The following GBF1 variants were observed in gnomAD, a reference collection of about 807,000 sequenced individuals.
The protein encoded by GBF1 is Golgi-specific brefeldin A-resistance guanine nucleotide exchange factor 1.
A neutral mutation model predicts 210.5 loss-of-function variants in GBF1; 114 were observed. That is an observed-to-expected ratio of 0.54 (90% CI 0.47 to 0.63). The LOEUF (loss-of-function observed/expected upper bound fraction) is 0.63. Among genes scored for constraint, GBF1 ranks in the 30% least tolerant of loss-of-function variants. GBF1 has a pLI of 0.00. For missense variants in GBF1, 1,851 were observed against 2,357.7 expected, an observed-to-expected ratio of 0.79 and a Z score of 4.45; for synonymous variants, 850 against 889.2, an observed-to-expected ratio of 0.96 and a Z score of 0.78.
At chr10:102,301,634 G>A (rs1471800223) in intron 3 of GBF1, among the ~76,000 whole-genome samples, 13 of 148,206 alleles carry the variant, frequency 8.8e-5, no homozygotes, top group South Asian at 4.3e-4. Context: ...ACGGGGTCGC[G>A]GCCGGGCAGA....
chr10:102,286,194 G>GTTTTTTTTGTTTTTTTTT (rs1565060425), intron 3 of GBF1, among the ~76,000 whole-genome samples: 4 of 126,368 alleles, frequency 3.2e-5, no homozygotes, highest in African/African-American at 3.3e-5. Context: ...AAGCATAAGG[G>GTTTTTTTTGTTTTTTTTT]TTTTTTTTTT....
At chr10:102,263,497 A>G (rs2073478196) in intron 3 of GBF1, among the ~76,000 whole-genome samples, 1 of 152,162 alleles carries the variant, frequency 6.6e-6, no homozygotes, top group Non-Finnish European at 1.5e-5. Context: ...TGGTAAGACT[A>G]TCACTGTTGG....
In GBF1 at chr10:102,376,770, C is replaced by A; in HGVS notation, c.4258C>A (p.Arg1420=). Reference sequence around the variant, plus strand: ...CTTTGAGCTCTGCGTCAAGACTCTCCGGATCTTTGTGGAGGCCAGTCTGAA... The same window carrying A: ...CTTTGAGCTCTGCGTCAAGACTCTCAGGATCTTTGTGGAGGCCAGTCTGAA... ...DNFELCVKTL[R]IFVEASLNGG... Residue 1420 remains arginine, a synonymous_variant, in exon 32 of 40, where the codon CGG becomes AGG. Transcript: ENST00000369983. 6.2e-7 allele frequency: 1 copy of A among 1,609,218 alleles called. No homozygotes were observed. The highest frequency in any genetic ancestry group is 8.5e-7 in the Non-Finnish European group (1 of 1,179,966).
chr10:102,271,117 A>C (rs1294033616), intron 3 of GBF1, among the ~76,000 whole-genome samples: 1 of 151,992 alleles, frequency 6.6e-6, no homozygotes, highest in Non-Finnish European at 1.5e-5. Flanking sequence ...AGCTCACTGC[A>C]AGCTCCGCCT....
intron 3 of GBF1, 67 bp downstream of exon 3, chr10:102,260,183 A>ATT (rs1167385070): frequency 9.0e-6 from 8 of 890,668 alleles, no homozygotes; most frequent in Non-Finnish European, 1.5e-5. Context: ...TATTGAAAGG[A>ATT]TAGACAAACT....
At chr10:102,351,798 C>A in intron 5 of GBF1, 45 bp from the exon 6 acceptor site, 1 of 1,133,198 alleles carries the variant, frequency 8.8e-7, no homozygotes, top group Non-Finnish European at 1.3e-6. Context: ...TTGAGTACCT[C>A]TCAGTACCTT....
chr10:102,336,195 G>A (rs1018217277), intron 3 of GBF1, among the ~76,000 whole-genome samples: 3 of 151,688 alleles, frequency 2.0e-5, no homozygotes, highest in Admixed American at 6.6e-5. Context: ...CAGCTACTCG[G>A]GAGGCTGAGC....
intron 3 of GBF1, among the ~76,000 whole-genome samples, chr10:102,331,474 T>G (rs1314479111): frequency 6.6e-6 from 1 of 151,182 alleles, no homozygotes; most frequent in Non-Finnish European, 1.5e-5. Context: ...AGGTTTGGGG[T>G]TTTGATTCAT....
At chr10:102,343,934 G>C in intron 3 of GBF1, 117 bp from the exon 4 acceptor site, 1 of 717,370 alleles carries the variant, frequency 1.4e-6, no homozygotes, top group Admixed American at 2.3e-5. Context: ...AATCCAGAGG[G>C]AAGAAGATTG....
At chr10:102,311,699 T>C (rs529151801) in intron 3 of GBF1, among the ~76,000 whole-genome samples, 6 of 152,320 alleles carry the variant, frequency 3.9e-5, no homozygotes, top group African/African-American at 1.4e-4. Context: ...GGGCCTAATT[T>C]CTTCTGTTCC....
the GBF1 span, among the ~76,000 whole-genome samples, chr10:102,236,952 T>C: frequency 6.6e-6 from 1 of 152,226 alleles, no homozygotes; most frequent in Non-Finnish European, 1.5e-5. Flanking sequence ...CCAGACTCTA[T>C]GGTTTGCTGA....
intron 1 of GBF1, among the ~76,000 whole-genome samples, chr10:102,248,338 A>G (rs2071091021): frequency 6.6e-6 from 1 of 152,134 alleles, no homozygotes; most frequent in African/African-American, 2.4e-5. Context: ...ATGAAAATAT[A>G]ATAAAGCAGT....
intron 3 of GBF1, among the ~76,000 whole-genome samples, chr10:102,327,813 G>A (rs1270575965): frequency 6.6e-6 from 1 of 152,220 alleles, no homozygotes; most frequent in Non-Finnish European, 1.5e-5. Flanking sequence ...TAAGTGTGCA[G>A]TTGGGATAAA....
chr10:102,353,705 A>C, intron 8 of GBF1, 51 bp downstream of exon 8: 1 of 1,320,438 alleles, frequency 7.6e-7, no homozygotes, highest in Non-Finnish European at 1.1e-6. Flanking sequence ...TTAATCTCCC[A>C]ACTTCAGTGC....
upstream of GBF1, among the ~76,000 whole-genome samples, chr10:102,242,214 A>C (rs184288392): frequency 9.1e-4 from 139 of 152,318 alleles, no homozygotes; most frequent in Admixed American, 3.4e-3. Context: ...GTTTGGAATG[A>C]TACAAACCAA....
intron 3 of GBF1, among the ~76,000 whole-genome samples, chr10:102,278,222 C>T (rs2075165750): frequency 6.6e-6 from 1 of 151,936 alleles, no homozygotes; most frequent in Admixed American, 6.6e-5. Context: ...CATGCCACTG[C>T]ACTCCAGCCT....
chr10:102,361,769 C>G lies in GBF1; in HGVS notation c.1543C>G (p.Pro515Ala), dbSNP rs1225680608. 9.9e-6 allele frequency: 16 copies of G among 1,613,032 alleles called. No individual in the cohort carries two copies. Among genetic ancestry groups the G allele is most frequent in the Non-Finnish European group, 1.3e-5 (15 of 1,179,402 alleles). The change falls in exon 14 of 40, where the codon CCT (proline) becomes GCT (alanine). Residue 515 changes from proline to alanine, a missense_variant. By Grantham distance (27) the Pro-to-Ala change is conservative. Around this residue, in one of 3 missense-constraint regions of GBF1, gnomAD observed 804 missense variants for 958.6 expected, o/e 0.84. Coordinates refer to ENST00000369983, the MANE Select transcript of GBF1 (RefSeq NM_001377137.1). The stretch of plus-strand genomic sequence containing the variant: ...CATCACTGTGGAGAACCCCAAGATG[C>G]CTTATGAGATGAAGGAGATGGCACT... ...EIITVENPKM[P>A]YEMKEMALEA...
rs186591405 is a variant in GBF1, at chr10:102,344,749, G to A, written c.295+567G>A. 8.5e-5 allele frequency among the ~76,000 whole-genome samples: 13 copies of A among 152,108 alleles called. No homozygotes were observed. The East Asian group carries it at 2.5e-3, about 30-fold the overall frequency. ...CCCGCCTTGGCCTCCCAAAGTGCTG[G>A]GATTACAGGTGTGAGCCACTGTGCC... On this transcript the variant is annotated intron_variant, in intron 4 of 39. Transcript: ENST00000369983.
At chr10:102,240,213 C>T in the GBF1 span, among the ~76,000 whole-genome samples, 1 of 152,332 alleles carries the variant, frequency 6.6e-6, no homozygotes, top group East Asian at 1.9e-4. Flanking sequence ...GGGCTTGTAC[C>T]CAGCTCCTTC....
Sources: gnomAD v4.1 joint callset for allele counts (sites outside exome capture counted in the v4.1 genomes callset) on GRCh38, gnomAD v4.1.1 for gene constraint, gnomAD v4.1.1 regional missense constraint, MANE v1.5 for transcripts, NCBI Gene and HGNC (gene_info 2026-07-23, HGNC 2026-07-21) for gene names.